The following SFT2D1 variants were observed in gnomAD, a reference collection of about 807,000 sequenced individuals.
SFT2D1 encodes the protein vesicle transport protein SFT2A.
A neutral mutation model predicts 28.1 loss-of-function variants in SFT2D1; 24 were observed. The observed-to-expected ratio is 0.85, with a 90% CI of 0.62 to 1.20. The LOEUF is 1.20. Among genes scored for constraint, SFT2D1 ranks in the 50% most tolerant of loss-of-function variants. The pLI, the probability that SFT2D1 is intolerant of heterozygous loss-of-function variation, is 0.00. For missense variants in SFT2D1, 181 were observed against 190.9 expected (o/e 0.95, Z 0.31); for synonymous variants, 82 against 73.7 (o/e 1.11, Z -0.58).
At chr6:166,328,746 T>C (rs955073762) in intron 3 of SFT2D1, among the ~76,000 whole-genome samples, 3 of 152,234 alleles carry the variant, frequency 2.0e-5, no homozygotes, top group African/African-American at 7.2e-5. Context: ...GGATGTGCCT[T>C]AACCTTGGAC....
chr6:166,332,070 A>G (rs925653713), intron 1 of SFT2D1, among the ~76,000 whole-genome samples: 5 of 152,238 alleles, frequency 3.3e-5, no homozygotes, highest in African/African-American at 1.2e-4. Flanking sequence ...AGCAGGACAA[A>G]TTATTTCCAC....
intron 1 of SFT2D1, chr6:166,331,265 A>C (rs1778543546): frequency 6.6e-6 from 1 of 152,660 alleles, no homozygotes; most frequent in Non-Finnish European, 1.5e-5. Flanking sequence ...TTAAATTTCT[A>C]ATTTATACTA....
chr6:166,333,671 C>G (rs1778592971), intron 1 of SFT2D1, among the ~76,000 whole-genome samples: 1 of 152,216 alleles, frequency 6.6e-6, no homozygotes, highest in African/African-American at 2.4e-5. Context: ...TGGGTGGAGT[C>G]AGGCACAGGG....
chr6:166,323,239 T>C (rs1379899597), intron 6 of SFT2D1: 2 of 198,888 alleles, frequency 1.0e-5, no homozygotes, highest in African/African-American at 4.6e-5. Flanking sequence ...AATCAATTAT[T>C]AGTTACAAAT....
chr6:166,326,434 C>T (rs1333253664), intron 4 of SFT2D1, among the ~76,000 whole-genome samples: 1 of 152,150 alleles, frequency 6.6e-6, no homozygotes, highest in Non-Finnish European at 1.5e-5. Context: ...CCCATGAAAG[C>T]AAGCAGGCAC....
intron 1 of SFT2D1, among the ~76,000 whole-genome samples, chr6:166,332,554 C>T (rs762637608): frequency 2.0e-5 from 3 of 152,204 alleles, no homozygotes; most frequent in African/African-American, 4.8e-5. Context: ...AGCCACTGCA[C>T]CCAGCCTGCT....
chr6:166,335,520 G>C (rs771305675), intron 1 of SFT2D1: 97 of 469,196 alleles, frequency 2.1e-4, no homozygotes, highest in Non-Finnish European at 3.4e-4. Context: ...GGTTCCAGTA[G>C]CAACAGTAGC....
chr6:166,328,202 A>C lies in SFT2D1; in HGVS notation c.315+74T>G, dbSNP rs1466527966. 3.7e-6 allele frequency: 3 copies of C among 803,244 alleles called. No individual in the cohort carries two copies. The Admixed American group carries it at 8.8e-5, about 23-fold the overall frequency. The allele number at this position is 803,244 out of a possible 1,614,324, so 49.8% of individuals were successfully genotyped here. A position where few individuals can be genotyped will look rare whatever the true frequency, so the allele number is the denominator to read the frequency against. On this transcript the variant is annotated intron_variant, in intron 4 of 7. Coordinates refer to ENST00000361731, the MANE Select transcript of SFT2D1 (RefSeq NM_145169.3). ...ATAAAAAAAGAAGTATACATACATA[A>C]CAGGCAATTATTCGTAAAATAACAG...
At chr6:166,334,207 C>T (rs1235616767) in intron 1 of SFT2D1, among the ~76,000 whole-genome samples, 1 of 152,212 alleles carries the variant, frequency 6.6e-6, no homozygotes, top group Non-Finnish European at 1.5e-5. Context: ...CACTAACTGG[C>T]TCAATAAATA....
At chr6:166,323,989 G>A (rs1778399823) in intron 6 of SFT2D1, 1 of 149,540 alleles carries the variant, frequency 6.7e-6, no homozygotes, top group African/African-American at 2.5e-5. Context: ...CTGGGTGACA[G>A]AGTGAGACTC....
Position 166,320,100 on chromosome 6 carries a change from C to A in SFT2D1, c.*117G>T. The A allele has an allele frequency of 2.3e-6, 2 of 863,142 alleles. No homozygotes were observed. Among genetic ancestry groups the A allele is most frequent in the South Asian group, 3.1e-5 (2 of 65,394 alleles). The allele number at this position is 863,142 out of a possible 1,614,324, so 53.5% of individuals were successfully genotyped here. ...CCAGTATACAAAATGAGACTTAGTA[C>A]AAAACGGTCTTCAACTGTCACGTCA... On this transcript the variant is annotated 3_prime_UTR_variant, in exon 8 of 8. Coordinates refer to ENST00000361731, the MANE Select transcript of SFT2D1 (RefSeq NM_145169.3).
intron 1 of SFT2D1, among the ~76,000 whole-genome samples, chr6:166,340,535 C>T (rs1019199326): frequency 1.3e-5 from 2 of 152,216 alleles, no homozygotes; most frequent in Non-Finnish European, 2.9e-5. Flanking sequence ...TGACCACACA[C>T]CACTTGGGAC....
intron 1 of SFT2D1, among the ~76,000 whole-genome samples, chr6:166,332,701 A>T (rs1778573222): frequency 6.6e-6 from 1 of 152,180 alleles, no homozygotes; most frequent in Non-Finnish European, 1.5e-5. Context: ...ACCACCATCC[A>T]TCATTTTACT....
intron 6 of SFT2D1, chr6:166,324,319 T>G: frequency 2.2e-6 from 1 of 464,802 alleles, no homozygotes; most frequent in Admixed American, 3.9e-5. Flanking sequence ...ACTATGTAAC[T>G]CTACGAGCAC....
chr6:166,342,456 C>G lies in SFT2D1; in HGVS notation c.26G>C (p.Ser9Thr). 6.4e-7 allele frequency: 1 copy of G among 1,559,002 alleles called. No individual in the cohort carries two copies. The highest frequency in any genetic ancestry group is 8.7e-7 in the Non-Finnish European group (1 of 1,152,104). ...GCCCTGCTCCTCGTCGTCCTGGCCGCTCAGGACTCGCCGCAGCTTCTCCAT... is the reference window on the plus strand; with the variant it reads ...GCCCTGCTCCTCGTCGTCCTGGCCGGTCAGGACTCGCCGCAGCTTCTCCAT... Reference protein sequence around the residue: MEKLRRVLSGQDDEEQGLT... With the variant: MEKLRRVLTGQDDEEQGLT... Residue 9 changes from serine (S) to threonine (T), a missense_variant, in exon 1 of 8, where the codon AGC becomes ACC. By Grantham distance (58) the Ser-to-Thr change is moderately conservative (BLOSUM62 1). Coordinates refer to ENST00000361731, the MANE Select transcript of SFT2D1 (RefSeq NM_145169.3).
intron 5 of SFT2D1, chr6:166,325,862 G>A (rs1778435611): frequency 1.8e-6 from 1 of 540,666 alleles, no homozygotes; most frequent in African/African-American, 1.9e-5. Flanking sequence ...GCTGCAGACA[G>A]TAGAATCTAT....
chr6:166,323,047 T>G (rs1778386427), intron 6 of SFT2D1, 161 bp from the exon 7 acceptor site: 1 of 548,672 alleles, frequency 1.8e-6, no homozygotes, highest in East Asian at 3.1e-5. Context: ...ATCTGGGAAC[T>G]TGTTAAAAAT....
intron 1 of SFT2D1, chr6:166,335,135 G>A (rs1346975867): frequency 3.3e-6 from 2 of 602,634 alleles, no homozygotes; most frequent in South Asian, 1.4e-5. Context: ...GAGATGGCTA[G>A]TGCTTTATCC....
At chr6:166,337,011 G>A (rs1286564808) in intron 1 of SFT2D1, among the ~76,000 whole-genome samples, 5 of 152,222 alleles carry the variant, frequency 3.3e-5, no homozygotes, top group African/African-American at 1.2e-4. Flanking sequence ...ACAGCACTGT[G>A]AGTGATTTTG....
Sources: allele counts gnomAD v4.1 joint callset (sites outside exome capture counted in the v4.1 genomes callset), GRCh38; gene constraint gnomAD v4.1.1; transcripts MANE v1.5; gene names NCBI Gene and HGNC (gene_info 2026-07-23, HGNC 2026-07-21).